Variants in C1orf198 observed in about 807,000 individuals in gnomAD.
C1orf198 encodes the protein chromosome 1 open reading frame 198.
C1orf198 carries 17 observed loss-of-function variants against 31.4 expected under a neutral mutation model. That is an observed-to-expected ratio of 0.54 (90% CI 0.37 to 0.81). The LOEUF (loss-of-function observed/expected upper bound fraction) is 0.81. Ranked by LOEUF, C1orf198 falls within the 40% of genes least tolerant of loss-of-function variation. C1orf198 has a pLI of 0.00. For synonymous variants in C1orf198, 175 were observed against 193.8 expected (o/e 0.90, Z 0.81); for missense variants, 401 against 450.3 (o/e 0.89, Z 0.99).
chr1:230,853,372 T>C (rs1669792486), intron 2 of C1orf198, among the ~76,000 whole-genome samples: 1 of 152,052 alleles, frequency 6.6e-6, no homozygotes, highest in Admixed American at 6.6e-5. Flanking sequence ...TGTTTGTGGC[T>C]CTCCAATGAA....
Position 230,857,764 on chromosome 1 carries a change from A to C in C1orf198, c.334-2046T>G, listed in dbSNP as rs1227504045. ...ACCACTAACAAAGATACTAGGTATA[A>C]ATATTAAGAATTACAAAAGTGAGGG... On this transcript the variant is annotated intron_variant, in intron 1 of 3. Coordinates refer to ENST00000366663, the MANE Select transcript of C1orf198 (RefSeq NM_032800.3). The surrounding 1 kb of genome is among the most constrained non-coding windows in gnomAD (Gnocchi z 4.2). 6.6e-6 allele frequency among the ~76,000 whole-genome samples: 1 copy of C among 152,250 alleles called. No homozygotes were observed. The highest frequency in any genetic ancestry group is 6.5e-5 in the Admixed American group (1 of 15,292).
chr1:230,854,346 G>A (rs1669817831), intron 2 of C1orf198, among the ~76,000 whole-genome samples: 1 of 152,060 alleles, frequency 6.6e-6, no homozygotes, highest in African/African-American at 2.4e-5. Context: ...AATATTGAGG[G>A]CCCTGGCTAA....
chr1:230,842,366 G>C (rs1274104597), intron 3 of C1orf198, among the ~76,000 whole-genome samples: 15 of 152,140 alleles, frequency 9.9e-5, no homozygotes, highest in Admixed American at 9.2e-4. Context: ...TCAATGAGTG[G>C]ATAAAGAAAC....
At chr1:230,842,017 G>A (rs1202551) in intron 3 of C1orf198, among the ~76,000 whole-genome samples, 127,063 of 152,216 alleles carry the variant, frequency 0.83, 53,563 homozygotes, top group South Asian at 0.95. Flanking sequence ...ATTAAGTAAA[G>A]TAAGTCAGTC....
intron 1 of C1orf198, among the ~76,000 whole-genome samples, chr1:230,867,190 A>G (rs1197415131): frequency 1.3e-5 from 2 of 152,166 alleles, no homozygotes; most frequent in Admixed American, 6.5e-5. Flanking sequence ...GCTCAGCTTG[A>G]CTTTGCTCCT....
At chr1:230,854,513 C>T (rs141317186) in intron 2 of C1orf198, among the ~76,000 whole-genome samples, 194 of 152,314 alleles carry the variant, frequency 1.3e-3, no homozygotes, top group African/African-American at 4.4e-3. Flanking sequence ...ACCCCTGCAA[C>T]CCGTACCCGA....
intron 1 of C1orf198, among the ~76,000 whole-genome samples, chr1:230,861,112 G>A (rs1669995180): frequency 6.6e-6 from 1 of 152,314 alleles, no homozygotes; most frequent in Admixed American, 6.5e-5. Flanking sequence ...TTTCTGTTAA[G>A]GCAATGGATC....
At position 230,843,319 on chromosome 1, in the gene C1orf198, T is replaced by G; in HGVS notation, c.927+35A>C. 1 of 1,547,806 alleles carries G rather than the reference T, an allele frequency of 6.5e-7. No individual in the cohort carries two copies. The highest frequency in any genetic ancestry group is 8.7e-7 in the Non-Finnish European group (1 of 1,145,008). On this transcript the variant is annotated intron_variant, in intron 3 of 3. Transcript: ENST00000366663. This position sits in a 1 kb window ranked among gnomAD's most constrained non-coding sequence, Gnocchi z 4.9. Reference sequence around the variant, plus strand: ...TCGGTTCCCGTGGAATAAGGCACCATCCCATCTGAGGACGCGCTGGTAAAG... The same window carrying G: ...TCGGTTCCCGTGGAATAAGGCACCAGCCCATCTGAGGACGCGCTGGTAAAG...
chr1:230,862,565 A>T (rs1670026639), intron 1 of C1orf198, among the ~76,000 whole-genome samples: 1 of 152,246 alleles, frequency 6.6e-6, no homozygotes, highest in Non-Finnish European at 1.5e-5. Context: ...ATACAAAGAC[A>T]TGGAAGTACC....
chr1:230,853,525 G>C (rs1669796753), intron 2 of C1orf198, among the ~76,000 whole-genome samples: 1 of 152,208 alleles, frequency 6.6e-6, no homozygotes. Context: ...AGGAGGAAGG[G>C]ACAGCTCCCT....
intron 2 of C1orf198, among the ~76,000 whole-genome samples, chr1:230,846,470 A>C (rs1254880868): frequency 6.6e-6 from 1 of 152,238 alleles, no homozygotes; most frequent in East Asian, 1.9e-4. Flanking sequence ...CAAGGATGGA[A>C]ATACTACTTT....
At chr1:230,859,136 G>A (rs984303115) in intron 1 of C1orf198, among the ~76,000 whole-genome samples, 1 of 152,156 alleles carries the variant, frequency 6.6e-6, no homozygotes, top group Non-Finnish European at 1.5e-5. Context: ...TGGACTGCAC[G>A]CTCTAGCCAC....
intron 2 of C1orf198, among the ~76,000 whole-genome samples, chr1:230,850,728 G>T (rs1370194854): frequency 1.3e-5 from 2 of 152,054 alleles, no homozygotes; most frequent in African/African-American, 4.8e-5. Flanking sequence ...GGGGGTCTCG[G>T]TGAGAAGCAC....
intron 1 of C1orf198, among the ~76,000 whole-genome samples, chr1:230,859,851 A>G (rs906456608): frequency 1.3e-5 from 2 of 152,030 alleles, no homozygotes; most frequent in African/African-American, 2.4e-5. Flanking sequence ...AATAACATAT[A>G]TTTTTTGCTC....
chr1:230,854,249 G>A (rs996554148), intron 2 of C1orf198, among the ~76,000 whole-genome samples: 2 of 152,110 alleles, frequency 1.3e-5, no homozygotes, highest in South Asian at 2.1e-4. Flanking sequence ...CCAACACACA[G>A]AGAATCTATC....
chr1:230,854,515 C>A (rs1017868126), intron 2 of C1orf198, among the ~76,000 whole-genome samples: 2 of 152,160 alleles, frequency 1.3e-5, no homozygotes, highest in African/African-American at 4.8e-5. Flanking sequence ...CCCTGCAACC[C>A]GTACCCGATC....
At chr1:230,854,404 A>G (rs1047369457) in intron 2 of C1orf198, among the ~76,000 whole-genome samples, 1 of 152,204 alleles carries the variant, frequency 6.6e-6, no homozygotes, top group Non-Finnish European at 1.5e-5. Flanking sequence ...CTTCCTTTGC[A>G]ATGTCAGTAG....
Position 230,843,904 on chromosome 1 carries a change from G to A in C1orf198, c.385-8C>T. The A allele has an allele frequency of 2.7e-6, 4 of 1,502,328 alleles. No individual in the cohort carries two copies. The highest frequency in any genetic ancestry group is 3.5e-6 in the Non-Finnish European group (4 of 1,130,690). 93.1% of individuals were successfully genotyped at this position (1,502,328 alleles called of 1,614,324 possible). ...ACTGAACTCCATCTGACTCTAGGGTGGGACATGAGAAAGGACAGAAAAAAG... is the reference window on the plus strand; with the variant it reads ...ACTGAACTCCATCTGACTCTAGGGTAGGACATGAGAAAGGACAGAAAAAAG... On this transcript the variant is annotated splice_region_variant and splice_polypyrimidine_tract_variant and intron_variant, in intron 2 of 3. Coordinates refer to ENST00000366663, the MANE Select transcript of C1orf198 (RefSeq NM_032800.3). The surrounding 1 kb of genome is among the most constrained non-coding windows in gnomAD (Gnocchi z 4.9).
intron 1 of C1orf198, among the ~76,000 whole-genome samples, chr1:230,860,395 A>T (rs1669979967): frequency 6.6e-6 from 1 of 152,210 alleles, no homozygotes; most frequent in African/African-American, 2.4e-5. Flanking sequence ...GGGCTCAGAG[A>T]TCCTTATACC....
Sources: allele counts gnomAD v4.1 joint callset (sites outside exome capture counted in the v4.1 genomes callset), GRCh38; gene constraint gnomAD v4.1.1; non-coding constraint Gnocchi (gnomAD v3.1); transcripts MANE v1.5; gene names NCBI Gene and HGNC (gene_info 2026-07-23, HGNC 2026-07-21).